ANO3: variants seen among roughly 807,000 people sequenced by gnomAD.
The protein encoded by ANO3 is anoctamin-3.
ANO3 carries 99 observed loss-of-function variants against 144.8 expected under a neutral mutation model. That is an observed-to-expected ratio of 0.68 (90% CI 0.58 to 0.81). ANO3 has a LOEUF of 0.81. ANO3 is among the 30% of genes least tolerant of loss of function. The pLI, the probability that ANO3 is intolerant of heterozygous loss-of-function variation, is 0.00. For missense variants in ANO3, 905 were observed against 1,202.2 expected, an observed-to-expected ratio of 0.75 and a Z score of 3.66; for synonymous variants, 414 against 392.6, an observed-to-expected ratio of 1.05 and a Z score of -0.64.
chr11:26,547,603 A>T, intron 12 of ANO3, 53 bp downstream of exon 12: 1 of 1,513,998 alleles, frequency 6.6e-7, no homozygotes, highest in Non-Finnish European at 9.1e-7. Flanking sequence ...CTGAATGGGC[A>T]AAAGTTTAAT....
chr11:26,585,383 T>G (rs1348292092), intron 14 of ANO3, among the ~76,000 whole-genome samples: 1 of 152,190 alleles, frequency 6.6e-6, no homozygotes, highest in Non-Finnish European at 1.5e-5. Context: ...ATTTCATTCT[T>G]TATAAATTTA....
intron 14 of ANO3, chr11:26,572,225 C>T (rs1393500698): frequency 1.3e-5 from 13 of 985,234 alleles, no homozygotes; most frequent in Non-Finnish European, 1.6e-5. Context: ...AACAGAGCGC[C>T]CAGGAACCTG....
chr11:26,399,149 C>G (rs1857087477), intron 1 of ANO3, among the ~76,000 whole-genome samples: 1 of 151,898 alleles, frequency 6.6e-6, no homozygotes, highest in South Asian at 2.1e-4. Flanking sequence ...CCCAACCTCA[C>G]CTTTTTTTCG....
chr11:26,308,939 G>T (rs894166777), upstream of ANO3, among the ~76,000 whole-genome samples: 1 of 152,024 alleles, frequency 6.6e-6, no homozygotes, highest in Non-Finnish European at 1.5e-5. Context: ...TTTCTATTTT[G>T]CAGGAGAAAG....
intron 1 of ANO3, among the ~76,000 whole-genome samples, chr11:26,365,971 TATATATATATATATATATATATATA>T (rs1160128216): frequency 5.1e-4 from 35 of 68,620 alleles, no homozygotes; most frequent in African/African-American, 9.0e-4. Context: ...TATATATATA[TATATATATATATATATATATATATA>T]TATATATTTT....
intron 18 of ANO3, 95 bp downstream of exon 18, chr11:26,624,593 C>A: frequency 1.1e-6 from 1 of 879,818 alleles, no homozygotes. Context: ...ATTTTAATAA[C>A]TGCAATTATT....
intron 14 of ANO3, among the ~76,000 whole-genome samples, chr11:26,597,345 G>C (rs558090063): frequency 1.3e-5 from 2 of 152,300 alleles, no homozygotes; most frequent in African/African-American, 4.8e-5. Context: ...ATGGGTCACA[G>C]AAGGAACCAT....
chr11:26,271,587 A>G lies in ANO3; in HGVS notation c.155-38058A>G, dbSNP rs1302883721. On this transcript the variant is annotated intron_variant, in intron 1 of 27. Coordinates refer to the ANO3 transcript ENST00000672621. ...CTTTCTACACATTTTATCACCCTTC[A>G]TTGTCTTATTGTCCTGTTTTTATTT... Among the ~76,000 whole-genome samples the G allele has an allele frequency of 4.6e-5, 7 of 152,034 alleles. No individual in the cohort carries two copies. The East Asian group carries it at 1.2e-3, about 25-fold the overall frequency.
intron 14 of ANO3, among the ~76,000 whole-genome samples, chr11:26,568,472 GT>G (rs35237782): frequency 0.45 from 67,085 of 150,406 alleles, 16,331 homozygotes; most frequent in Non-Finnish European, 0.52. Flanking sequence ...TCCTACCATA[GT>G]TTTTTTTTTT....
chr11:26,622,987 A>C (rs868206010), intron 17 of ANO3, among the ~76,000 whole-genome samples: 2 of 152,192 alleles, frequency 1.3e-5, no homozygotes, highest in African/African-American at 4.8e-5. Context: ...AGACCCTGCT[A>C]TGATTATCTC....
chr11:26,405,704 A>G (rs1249382687), intron 1 of ANO3, among the ~76,000 whole-genome samples: 1 of 151,914 alleles, frequency 6.6e-6, no homozygotes, highest in Non-Finnish European at 1.5e-5. Flanking sequence ...TTCTCTTACT[A>G]TCATTTTCTT....
chr11:26,491,723 A>G (rs1860716569), intron 4 of ANO3, among the ~76,000 whole-genome samples: 1 of 152,188 alleles, frequency 6.6e-6, no homozygotes, highest in Non-Finnish European at 1.5e-5. Context: ...ACCTTCCCAT[A>G]CGCACAAGGA....
intron 1 of ANO3, 62 bp downstream of exon 1, chr11:26,332,383 A>G: frequency 6.5e-7 from 1 of 1,543,932 alleles, no homozygotes; most frequent in Non-Finnish European, 9.0e-7. Context: ...ATGCCCTTGC[A>G]GTTGTGTAGG....
At chr11:26,631,805 T>C (rs1852788849) in intron 18 of ANO3, among the ~76,000 whole-genome samples, 3 of 152,156 alleles carry the variant, frequency 2.0e-5, no homozygotes, top group Admixed American at 6.5e-5. Flanking sequence ...TCTATGCATC[T>C]TTAAGAAGCT....
At chr11:26,266,232 G>A (rs1243935498) in intron 1 of ANO3, among the ~76,000 whole-genome samples, 1 of 151,880 alleles carries the variant, frequency 6.6e-6, no homozygotes, top group Non-Finnish European at 1.5e-5. Flanking sequence ...CAGTTTCTCA[G>A]AGATTTCCCA....
At chr11:26,340,579 G>A (rs374530348) in intron 1 of ANO3, among the ~76,000 whole-genome samples, 4 of 152,116 alleles carry the variant, frequency 2.6e-5, no homozygotes, top group African/African-American at 9.7e-5. Flanking sequence ...TGCACCCTAG[G>A]AGAGTCTGAC....
intron 4 of ANO3, among the ~76,000 whole-genome samples, chr11:26,489,156 G>T (rs1251467986): frequency 1.3e-5 from 2 of 152,182 alleles, no homozygotes; most frequent in Admixed American, 6.5e-5. Flanking sequence ...GGGACCCTGT[G>T]CTGTGTGCAG....
At chr11:26,569,627 C>A (rs1295602529) in intron 14 of ANO3, among the ~76,000 whole-genome samples, 1 of 152,080 alleles carries the variant, frequency 6.6e-6, no homozygotes, top group Non-Finnish European at 1.5e-5. Context: ...TTGCAAGTGA[C>A]AGAAGCCTAA....
intron 1 of ANO3, among the ~76,000 whole-genome samples, chr11:26,420,071 C>T (rs559803965): frequency 6.6e-6 from 1 of 152,108 alleles, no homozygotes; most frequent in South Asian, 2.1e-4. Flanking sequence ...AGAGAGCTTT[C>T]TTCATGTACC....
Sources: allele counts gnomAD v4.1 joint callset (sites outside exome capture counted in the v4.1 genomes callset), GRCh38; gene constraint gnomAD v4.1.1; transcripts MANE v1.5; gene names NCBI Gene and HGNC (gene_info 2026-07-23, HGNC 2026-07-21).